Variants in PLEKHG7 observed in about 807,000 individuals in gnomAD.
PLEKHG7 encodes pleckstrin homology domain-containing family G member 7.
Under a neutral mutation model 85.2 loss-of-function variants are expected in PLEKHG7, and 77 were observed. The ratio of observed to expected loss-of-function variants is 0.90; its 90% CI spans 0.75 to 1.09. PLEKHG7 has a LOEUF of 1.09. Among genes scored for constraint, PLEKHG7 ranks in the 50% least tolerant of loss-of-function variants. PLEKHG7 has a pLI of 0.00. For synonymous variants in PLEKHG7, 301 were observed against 302.4 expected (o/e 1.00, Z 0.05); for missense variants, 777 against 804.3 (o/e 0.97, Z 0.41).
rs750813860 is a variant in PLEKHG7 at position 92,756,253 on chromosome 12, C to T, written c.1543-45C>T. The T allele has an allele frequency of 1.1e-5, 15 of 1,415,564 alleles. No individual in the cohort carries two copies. In the African/African-American group the frequency reaches 2.0e-4, roughly 19 times the overall value. The allele number at this position is 1,415,564 out of a possible 1,614,324, so 87.7% of individuals were successfully genotyped here. A position where few individuals can be genotyped will look rare whatever the true frequency, so the allele number is the denominator to read the frequency against. ...CCAGCTTTTTAAACATGTTCTCTTC[C>T]AATCACTAACAACATCTCTTTTATT... On this transcript the variant is annotated intron_variant, in intron 12 of 16. Coordinates refer to ENST00000344636, the MANE Select transcript of PLEKHG7 (RefSeq NM_001377329.1).
intron 9 of PLEKHG7, among the ~76,000 whole-genome samples, chr12:92,742,659 C>G (rs75520788): frequency 6.7e-6 from 1 of 150,164 alleles, no homozygotes; most frequent in Non-Finnish European, 1.5e-5. Context: ...GACTTCAGCT[C>G]ACTGCAACCT....
chr12:92,761,594 AAAG>A (rs1479820124), intron 13 of PLEKHG7, among the ~76,000 whole-genome samples, 155 bp from the exon 14 acceptor site: 1 of 149,602 alleles, frequency 6.7e-6, no homozygotes, highest in Non-Finnish European at 1.5e-5. Context: ...GAGAGAATGA[AAAG>A]AAAGAAAGAA....
intron 3 of PLEKHG7, chr12:92,721,520 C>A: frequency 8.2e-7 from 1 of 1,221,190 alleles, no homozygotes; most frequent in Non-Finnish European, 1.0e-6. Flanking sequence ...CAACGCAACT[C>A]AGGGTTAGTG....
At chr12:92,765,783 C>A (rs996042856) in intron 15 of PLEKHG7, among the ~76,000 whole-genome samples, 3 of 152,172 alleles carry the variant, frequency 2.0e-5, no homozygotes, top group Middle Eastern at 3.4e-3. Flanking sequence ...CAGAGTGAGA[C>A]CCTGTCTCTA....
chr12:92,703,903 C>T (rs1405040464), intron 1 of PLEKHG7, among the ~76,000 whole-genome samples: 1 of 152,162 alleles, frequency 6.6e-6, no homozygotes, highest in Non-Finnish European at 1.5e-5. Flanking sequence ...TATCCTAACC[C>T]CTCAAAAGAG....
At chr12:92,734,719 T>A (rs1872089541) in intron 5 of PLEKHG7, among the ~76,000 whole-genome samples, 1 of 152,186 alleles carries the variant, frequency 6.6e-6, no homozygotes, top group Non-Finnish European at 1.5e-5. Context: ...CCTTTTCTCA[T>A]TGATTTGTCA....
At chr12:92,708,050 G>A (rs569881369) in intron 3 of PLEKHG7, 2 of 266,402 alleles carry the variant, frequency 7.5e-6, no homozygotes, top group African/African-American at 4.4e-5. Flanking sequence ...AAAGGAACAA[G>A]ATGTCCTGGT....
Position 92,755,890 on chromosome 12 carries a change from A to G in PLEKHG7, c.1492A>G (p.Ile498Val). The G allele has an allele frequency of 1.2e-6, 2 of 1,613,676 alleles. No homozygotes were observed. Among genetic ancestry groups the G allele is most frequent in the Non-Finnish European group, 1.7e-6 (2 of 1,179,830 alleles). The change falls in exon 12 of 17, where the codon ATA (isoleucine) becomes GTA (valine). Residue 498 changes from isoleucine (I) to valine (V), a missense_variant. Coordinates refer to ENST00000344636, the MANE Select transcript of PLEKHG7 (RefSeq NM_001377329.1). ...FQKFRYLQEIIVWPPLWDRDK... is the reference protein window; with the variant it reads ...FQKFRYLQEIVVWPPLWDRDK... Reference sequence around the variant, plus strand: ...AAAATTTAGATATCTACAGGAGATTATAGTGTGGCCACCGCTTTGGGATAG... The same window carrying G: ...AAAATTTAGATATCTACAGGAGATTGTAGTGTGGCCACCGCTTTGGGATAG...
chr12:92,730,971 C>T (rs183382066), intron 4 of PLEKHG7, among the ~76,000 whole-genome samples: 63 of 152,260 alleles, frequency 4.1e-4, no homozygotes, highest in African/African-American at 1.2e-3. Flanking sequence ...GTGCTGCTCA[C>T]GCTTTGCTGT....
rs1196798077 is a variant in PLEKHG7, at chr12:92,761,646, G to GA, written c.1637-103dup. On this transcript the variant is annotated intron_variant, in intron 13 of 16. Transcript: ENST00000344636. ...AAGAAGAAAGAAAGAAAGAAAGAAAGAAAGAAAGAAAGAAAGAAAGAAAGA... is the reference window on the plus strand; with the variant it reads ...AAGAAGAAAGAAAGAAAGAAAGAAAGAAAAGAAAGAAAGAAAGAAAGAAAGA... 1.6e-5 allele frequency: 17 copies of GA among 1,044,924 alleles called. 1 individual carries two copies. In the East Asian group the frequency reaches 5.7e-4, roughly 35 times the overall value. The allele number at this position is 1,044,924 out of a possible 1,614,324, so 64.7% of individuals were successfully genotyped here. A position where few individuals can be genotyped will look rare whatever the true frequency, so the allele number is the denominator to read the frequency against.
chr12:92,707,180 A>G lies in PLEKHG7; in HGVS notation c.507+42A>G, dbSNP rs753727464. 4 of 1,572,876 alleles carry G rather than the reference A, an allele frequency of 2.5e-6. No homozygotes were observed. The South Asian group carries it at 4.8e-5, about 19-fold the overall frequency. On this transcript the variant is annotated intron_variant, in intron 2 of 16. Coordinates refer to ENST00000344636, the MANE Select transcript of PLEKHG7 (RefSeq NM_001377329.1). ...CCTCCGGCCTCTCAGTTGCTGAACC[A>G]CAAAGCAAAATAGATCTCAGAGTTG...
chr12:92,753,404 T>C (rs1001111281), intron 10 of PLEKHG7, among the ~76,000 whole-genome samples: 1 of 152,186 alleles, frequency 6.6e-6, no homozygotes, highest in African/African-American at 2.4e-5. Flanking sequence ...TTCTCAAACA[T>C]CATTTATGGA....
At chr12:92,765,367 C>T (rs1023193621) in intron 15 of PLEKHG7, among the ~76,000 whole-genome samples, 4 of 150,552 alleles carry the variant, frequency 2.7e-5, no homozygotes, top group East Asian at 2.0e-4. Context: ...TGGTGGCTCA[C>T]GCCTGTAATC....
chr12:92,732,228 C>A lies in PLEKHG7; in HGVS notation c.659-5C>A, dbSNP rs1222481740. 14 of 1,229,472 alleles carry A rather than the reference C, an allele frequency of 1.1e-5. No individual in the cohort carries two copies. The highest frequency in any genetic ancestry group is 1.4e-5 in the Non-Finnish European group (14 of 985,736). 76.2% of individuals were successfully genotyped at this position (1,229,472 alleles called of 1,614,324 possible). ...TAATAATATATTGTCTTTAATTTCA[C>A]CCAGAATCCAAAAAGCCAAGATGGC... is the stretch of plus-strand genomic sequence containing the variant. On this transcript the variant is annotated splice_polypyrimidine_tract_variant and splice_region_variant and intron_variant, in intron 4 of 16. Coordinates refer to ENST00000344636, the MANE Select transcript of PLEKHG7 (RefSeq NM_001377329.1).
chr12:92,725,497 T>G (rs1871767775), intron 3 of PLEKHG7, among the ~76,000 whole-genome samples: 1 of 152,168 alleles, frequency 6.6e-6, no homozygotes, highest in South Asian at 2.1e-4. Flanking sequence ...GGCGACCATG[T>G]TAATACAATT....
chr12:92,717,611 C>T (rs1434943010), intron 3 of PLEKHG7, among the ~76,000 whole-genome samples: 2 of 152,204 alleles, frequency 1.3e-5, no homozygotes, highest in African/African-American at 4.8e-5. Flanking sequence ...CGTAGTTTTG[C>T]TCTACCTAGT....
chr12:92,728,599 G>C (rs533065465), intron 3 of PLEKHG7, among the ~76,000 whole-genome samples: 1 of 149,740 alleles, frequency 6.7e-6, no homozygotes, highest in African/African-American at 2.5e-5. Flanking sequence ...ACATTCCATG[G>C]TGTTTATATG....
At chr12:92,704,825 G>A (rs544801664) in intron 1 of PLEKHG7, among the ~76,000 whole-genome samples, 8 of 152,094 alleles carry the variant, frequency 5.3e-5, no homozygotes, top group South Asian at 2.1e-4. Flanking sequence ...GGATCCTCCC[G>A]CCTTTGCCTC....
chr12:92,744,838 T>C, intron 9 of PLEKHG7, among the ~76,000 whole-genome samples: 2 of 151,994 alleles, frequency 1.3e-5, no homozygotes, highest in East Asian at 3.9e-4. Context: ...GCTAATTTTT[T>C]GTATTTTTTA....
Sources: gnomAD v4.1 joint callset for allele counts (sites outside exome capture counted in the v4.1 genomes callset) on GRCh38, gnomAD v4.1.1 for gene constraint, MANE v1.5 for transcripts, NCBI Gene and HGNC (gene_info 2026-07-23, HGNC 2026-07-21) for gene names.